The following ROBO2 variants were observed in gnomAD, a reference collection of about 807,000 sequenced individuals.
ROBO2 encodes roundabout homolog 2.
ROBO2 carries 53 observed loss-of-function variants against 160.8 expected under a neutral mutation model. The ratio of observed to expected loss-of-function variants is 0.33; its 90% confidence interval spans 0.26 to 0.41. The LOEUF (loss-of-function observed/expected upper bound fraction) is 0.41. Ranked by LOEUF, ROBO2 falls within the 10% of genes least tolerant of loss-of-function variation. The pLI is 1.00. For missense variants in ROBO2, 1,577 were observed against 1,722.4 expected (o/e 0.92, Z 1.49); for synonymous variants, 664 against 611.7 (o/e 1.09, Z -1.26).
intron 2 of ROBO2, among the ~76,000 whole-genome samples, chr3:76,349,779 G>T: frequency 6.6e-6 from 1 of 151,966 alleles, no homozygotes; most frequent in Non-Finnish European, 1.5e-5. Context: ...CATTTTTCTT[G>T]TGTCAGTGTT....
At chr3:76,161,831 A>G (rs960526393) in intron 2 of ROBO2, among the ~76,000 whole-genome samples, 26 of 152,132 alleles carry the variant, frequency 1.7e-4, no homozygotes, top group Non-Finnish European at 3.5e-4. Context: ...GAATTCCACA[A>G]GAGGATGATT....
intron 2 of ROBO2, among the ~76,000 whole-genome samples, chr3:77,404,539 T>A (rs1348254472): frequency 1.3e-5 from 2 of 152,156 alleles, no homozygotes; most frequent in Non-Finnish European, 2.9e-5. Context: ...TATGAAAAGA[T>A]GTATTTTGCA....
intron 2 of ROBO2, among the ~76,000 whole-genome samples, chr3:76,662,227 C>T (rs2091854880): frequency 2.0e-5 from 3 of 152,076 alleles, no homozygotes; most frequent in Admixed American, 6.6e-5. Context: ...TTGGTCTTCC[C>T]TGTCCATGAA....
chr3:76,580,966 G>A (rs2085666363), intron 2 of ROBO2, among the ~76,000 whole-genome samples: 1 of 152,136 alleles, frequency 6.6e-6, no homozygotes, highest in South Asian at 2.1e-4. Flanking sequence ...CAGAACAGTA[G>A]TTCTGATGAT....
intron 2 of ROBO2, among the ~76,000 whole-genome samples, chr3:77,472,756 A>G (rs918735228): frequency 6.6e-6 from 1 of 152,124 alleles, no homozygotes; most frequent in African/African-American, 2.4e-5. Flanking sequence ...TTGACAAGCA[A>G]TCGTATATAT....
At chr3:77,394,194 T>C (rs1438752611) in intron 2 of ROBO2, among the ~76,000 whole-genome samples, 1 of 152,112 alleles carries the variant, frequency 6.6e-6, no homozygotes, top group Non-Finnish European at 1.5e-5. Flanking sequence ...AAAAAAGCAA[T>C]CGTGCTTTTC....
intron 5 of ROBO2, among the ~76,000 whole-genome samples, chr3:77,499,550 A>T (rs1018793938): frequency 1.3e-5 from 2 of 152,160 alleles, no homozygotes; most frequent in African/African-American, 2.4e-5. Flanking sequence ...AAAAAAATAT[A>T]AAATATATAA....
intron 2 of ROBO2, among the ~76,000 whole-genome samples, chr3:76,806,975 G>T (rs564318995): frequency 6.6e-6 from 1 of 152,100 alleles, no homozygotes; most frequent in South Asian, 2.1e-4. Flanking sequence ...GGATTAATGA[G>T]AAATTAGATT....
Position 77,640,097 on chromosome 3 carries a change from A to ATTTTTTTTTTTTTTTTTTT in ROBO2, c.3935-4593_3935-4575dup, listed in dbSNP as rs71104695. 7.6e-5 allele frequency among the ~76,000 whole-genome samples: 5 copies of ATTTTTTTTTTTTTTTTTTT among 65,486 alleles called. 1 individual carries two copies. Among genetic ancestry groups the ATTTTTTTTTTTTTTTTTTT allele is most frequent in the Non-Finnish European group, 1.3e-4 (5 of 38,060 alleles). 43.0% of individuals were successfully genotyped at this position (65,486 alleles called of 152,430 possible). On this transcript the variant is annotated intron_variant, in intron 24 of 25. Coordinates refer to ENST00000461745, the Ensembl canonical transcript of ROBO2. ...AGAGAAGAAACACTGCAGAGGAAGC[A>ATTTTTTTTTTTTTTTTTTT]TTTTTTTTTTTTTTTTTTTTTTTTT...
chr3:76,153,401 T>C (rs1559596973), intron 2 of ROBO2, among the ~76,000 whole-genome samples: 1 of 152,196 alleles, frequency 6.6e-6, no homozygotes, highest in Non-Finnish European at 1.5e-5. Context: ...ATCAAGTGAA[T>C]GGATGCACAA....
intron 2 of ROBO2, among the ~76,000 whole-genome samples, chr3:76,914,302 A>G (rs2076178746): frequency 6.6e-6 from 1 of 152,144 alleles, no homozygotes; most frequent in Non-Finnish European, 1.5e-5. Context: ...TGCCTTTTGA[A>G]CTCACCACCA....
At chr3:77,567,746 C>T (rs1024521139) in intron 12 of ROBO2, among the ~76,000 whole-genome samples, 1 of 151,958 alleles carries the variant, frequency 6.6e-6, no homozygotes, top group African/African-American at 2.4e-5. Flanking sequence ...TCCCCTCTTC[C>T]CCCAACTCTA....
At chr3:77,041,384 A>G (rs2064075861) in intron 1 of ROBO2, among the ~76,000 whole-genome samples, 1 of 152,224 alleles carries the variant, frequency 6.6e-6, no homozygotes, top group African/African-American at 2.4e-5. Flanking sequence ...GAAAACTGTC[A>G]AAAGTGAGAC....
intron 2 of ROBO2, among the ~76,000 whole-genome samples, chr3:76,589,705 G>C (rs907884990): frequency 9.2e-5 from 14 of 151,990 alleles, no homozygotes; most frequent in Non-Finnish European, 1.9e-4. Context: ...CAACTGTTTA[G>C]TTACAAAATC....
chr3:77,164,520 G>A (rs556029892), intron 2 of ROBO2, among the ~76,000 whole-genome samples: 48 of 145,230 alleles, frequency 3.3e-4, no homozygotes, highest in South Asian at 1.8e-3. Flanking sequence ...CAGCCGTGCT[G>A]TCCGGGAGGG....
At chr3:76,007,912 TAGAA>T (rs1402559154) in intron 2 of ROBO2, among the ~76,000 whole-genome samples, 29 of 152,090 alleles carry the variant, frequency 1.9e-4, no homozygotes, top group African/African-American at 6.0e-4. Flanking sequence ...TAGAGAAAAT[TAGAA>T]AGATACTGCA....
chr3:76,109,995 G>T (rs951633913), intron 2 of ROBO2, among the ~76,000 whole-genome samples: 2 of 150,996 alleles, frequency 1.3e-5, no homozygotes, highest in Admixed American at 6.6e-5. Flanking sequence ...CAATAATTTT[G>T]TTCTTTTTAT....
At chr3:77,066,997 C>T (rs2066917381) in intron 1 of ROBO2, among the ~76,000 whole-genome samples, 1 of 148,736 alleles carries the variant, frequency 6.7e-6, no homozygotes, top group African/African-American at 2.5e-5. Context: ...GCAACACACA[C>T]ATACACTCAC....
At chr3:76,238,787 C>T (rs1705115670) in intron 2 of ROBO2, among the ~76,000 whole-genome samples, 1 of 151,824 alleles carries the variant, frequency 6.6e-6, no homozygotes, top group African/African-American at 2.4e-5. Context: ...CCCCACAGGT[C>T]TCCCCCTAGA....
Sources: gnomAD v4.1 joint callset for allele counts (sites outside exome capture counted in the v4.1 genomes callset) on GRCh38, gnomAD v4.1.1 for gene constraint, MANE v1.5 for transcripts, NCBI Gene and HGNC (gene_info 2026-07-23, HGNC 2026-07-21) for gene names.